The following CFAP45 variants were observed in gnomAD, a reference collection of about 807,000 sequenced individuals.
CFAP45 encodes cilia- and flagella-associated protein 45.
CFAP45 carries 43 observed loss-of-function variants against 75.6 expected under a neutral mutation model. The observed-to-expected ratio is 0.57, with a 90% confidence interval of 0.45 to 0.73. The LOEUF (loss-of-function observed/expected upper bound fraction) is 0.73. Among genes scored for constraint, CFAP45 ranks in the 30% least tolerant of loss-of-function variants. The pLI, the probability that CFAP45 is intolerant of heterozygous loss-of-function variation, is 0.00. For missense variants in CFAP45, 689 were observed against 701.5 expected, an observed-to-expected ratio of 0.98 and a Z score of 0.20; for synonymous variants, 223 against 244.6, an observed-to-expected ratio of 0.91 and a Z score of 0.82.
In CFAP45 at chr1:159,890,460, G is replaced by A. The variant is rs1258653968; in HGVS notation, c.272+20C>T. ...AAGGATGAGGACTGGACATAGAAGG[G>A]CAGGGGACGGTGTACTCACATGAGT... is the stretch of plus-strand genomic sequence containing the variant. On this transcript the variant is annotated intron_variant, in intron 3 of 11. Coordinates refer to ENST00000368099, the MANE Select transcript of CFAP45 (RefSeq NM_012337.3). 6.2e-7 allele frequency: 1 copy of A among 1,613,230 alleles called. No individual in the cohort carries two copies. Among genetic ancestry groups the A allele is most frequent in the African/African-American group, 1.3e-5 (1 of 75,030 alleles).
intron 6 of CFAP45, among the ~76,000 whole-genome samples, chr1:159,885,689 C>T (rs942592627): frequency 1.3e-5 from 2 of 152,146 alleles, no homozygotes; most frequent in Non-Finnish European, 2.9e-5. Flanking sequence ...TACGAAAGGA[C>T]CTGTCCGCAA....
intron 8 of CFAP45, 129 bp from the exon 9 acceptor site, chr1:159,877,591 A>T (rs988224829): frequency 1.1e-5 from 8 of 730,406 alleles, no homozygotes; most frequent in Non-Finnish European, 2.0e-5. Flanking sequence ...ATAGGACAAA[A>T]TAAGGCCAGG....
At chr1:159,894,720 C>T (rs879624516) in intron 1 of CFAP45, among the ~76,000 whole-genome samples, 1 of 152,314 alleles carries the variant, frequency 6.6e-6, no homozygotes, top group South Asian at 2.1e-4. Context: ...ACTACAGAAG[C>T]TGAAAACATC....
chr1:159,884,693 A>T lies in CFAP45; in HGVS notation c.768-128T>A, dbSNP rs1371578680. The T allele has an allele frequency of 6.4e-6, 6 of 941,614 alleles. No homozygotes were observed. In the East Asian group the frequency reaches 1.5e-4, roughly 24 times the overall value. The allele number at this position is 941,614 out of a possible 1,614,324, so 58.3% of individuals were successfully genotyped here. A position where few individuals can be genotyped will look rare whatever the true frequency, so the allele number is the denominator to read the frequency against. On this transcript the variant is annotated intron_variant, in intron 6 of 11. Coordinates refer to ENST00000368099, the MANE Select transcript of CFAP45 (RefSeq NM_012337.3). ...ACAATTTGACAAGTGCCCCCTAAAC[A>T]TGAATATGCTTCATGAGCCCAGACC...
intron 1 of CFAP45, among the ~76,000 whole-genome samples, chr1:159,898,756 T>C (rs2501319): frequency 0.79 from 119,700 of 152,102 alleles, 47,185 homozygotes; most frequent in East Asian, 0.91. Flanking sequence ...ACAGTAGGTG[T>C]TCACATACAT....
chr1:159,874,226 T>C (rs1649349612), intron 10 of CFAP45, among the ~76,000 whole-genome samples: 1 of 152,174 alleles, frequency 6.6e-6, no homozygotes, highest in South Asian at 2.1e-4. Flanking sequence ...TAAAATCATC[T>C]TAGGCAGGAA....
At chr1:159,872,675 C>G (rs898055572) in intron 11 of CFAP45, 112 bp from the exon 12 acceptor site, 2 of 949,070 alleles carry the variant, frequency 2.1e-6, no homozygotes, top group African/African-American at 1.6e-5. Flanking sequence ...ACCCCCCAAC[C>G]CTGCTCTCAC....
chr1:159,872,601 T>G, intron 11 of CFAP45, 38 bp from the exon 12 acceptor site: 1 of 1,571,704 alleles, frequency 6.4e-7, no homozygotes, highest in Non-Finnish European at 8.8e-7. Context: ...GGAAAGGTAT[T>G]GGACCAGACA....
chr1:159,897,368 G>A (rs746278074), intron 1 of CFAP45, among the ~76,000 whole-genome samples: 5 of 152,170 alleles, frequency 3.3e-5, no homozygotes, highest in Non-Finnish European at 5.9e-5. Context: ...TGGATCACCT[G>A]AGGTCAGGAA....
At chr1:159,897,724 T>C (rs1394104874) in intron 1 of CFAP45, among the ~76,000 whole-genome samples, 1 of 152,174 alleles carries the variant, frequency 6.6e-6, no homozygotes, top group Non-Finnish European at 1.5e-5. Context: ...TGTTTCTTTA[T>C]TGAATAATTT....
chr1:159,880,945 T>C (rs1432664505), intron 7 of CFAP45, among the ~76,000 whole-genome samples: 1 of 152,230 alleles, frequency 6.6e-6, no homozygotes, highest in African/African-American at 2.4e-5. Flanking sequence ...TTGATCTCTA[T>C]ATTTTCAGGA....
chr1:159,873,318 G>A (rs1374898086), intron 10 of CFAP45, 150 bp from the exon 11 acceptor site: 7 of 648,618 alleles, frequency 1.1e-5, no homozygotes, highest in South Asian at 9.7e-5. Context: ...GTAACTCAAG[G>A]ATCAGCCCCC....
chr1:159,877,510 T>G (rs1207939740), intron 8 of CFAP45, 48 bp from the exon 9 acceptor site: 1 of 1,330,546 alleles, frequency 7.5e-7, no homozygotes, highest in South Asian at 1.2e-5. Flanking sequence ...GCCCCAGCCT[T>G]GCAGAGAGAA....
At chr1:159,874,900 G>A (rs1463849093) in intron 10 of CFAP45, among the ~76,000 whole-genome samples, 1 of 152,246 alleles carries the variant, frequency 6.6e-6, no homozygotes, top group Admixed American at 6.5e-5. Context: ...TTAGTCAACA[G>A]GCTGAGAAGT....
chr1:159,885,675 TG>T (rs1649661045), intron 6 of CFAP45, among the ~76,000 whole-genome samples: 1 of 152,152 alleles, frequency 6.6e-6, no homozygotes, highest in Non-Finnish European at 1.5e-5. Flanking sequence ...GCTACAGAAC[TG>T]GATACGAAAG....
chr1:159,893,062 T>C (rs1416049541), intron 2 of CFAP45, 118 bp downstream of exon 2: 1 of 1,167,196 alleles, frequency 8.6e-7, no homozygotes, highest in Non-Finnish European at 1.2e-6. Flanking sequence ...CCCCTTTGTC[T>C]TCAGTCTGAG....
At chr1:159,896,004 T>C (rs1649943854) in intron 1 of CFAP45, among the ~76,000 whole-genome samples, 2 of 152,244 alleles carry the variant, frequency 1.3e-5, no homozygotes, top group Admixed American at 1.3e-4. Flanking sequence ...TTTTCCGGAA[T>C]ACAACTGCCT....
At chr1:159,885,219 G>A (rs1334245912) in intron 6 of CFAP45, among the ~76,000 whole-genome samples, 6 of 152,172 alleles carry the variant, frequency 3.9e-5, no homozygotes, top group Admixed American at 3.9e-4. Context: ...ACAAGTTTGG[G>A]CTCAATACAA....
chr1:159,890,398 G>A, intron 3 of CFAP45, 82 bp downstream of exon 3: 1 of 1,334,642 alleles, frequency 7.5e-7, no homozygotes, highest in Non-Finnish European at 1.1e-6. Flanking sequence ...ATGAAACCAG[G>A]TGGGTTTACC....
Sources: gnomAD v4.1 joint callset for allele counts (sites outside exome capture counted in the v4.1 genomes callset) on GRCh38, gnomAD v4.1.1 for gene constraint, MANE v1.5 for transcripts, NCBI Gene and HGNC (gene_info 2026-07-23, HGNC 2026-07-21) for gene names.